The following ALK variants were observed in gnomAD, a reference collection of about 807,000 sequenced individuals.
ALK encodes the protein ALK tyrosine kinase receptor.
Under a neutral mutation model 163.1 loss-of-function variants are expected in ALK, and 74 were observed. The ratio of observed to expected loss-of-function variants is 0.45; its 90% CI spans 0.38 to 0.55. The LOEUF (loss-of-function observed/expected upper bound fraction) is 0.55, where lower values mean the gene tolerates loss of function less well. ALK is among the 20% of genes least tolerant of loss of function. The probability of loss-of-function intolerance (pLI) is 0.00; values close to 1 mark genes in which losing one functional copy is unlikely to be tolerated. For synonymous variants in ALK, 960 were observed against 843.2 expected, an observed-to-expected ratio of 1.14 and a Z score of -2.40; for missense variants, 2,063 against 2,105.3, an observed-to-expected ratio of 0.98 and a Z score of 0.39.
At chr2:29,198,617 A>T (rs1336654979) in intron 26 of ALK, among the ~76,000 whole-genome samples, 1 of 152,270 alleles carries the variant, frequency 6.6e-6, no homozygotes, top group Non-Finnish European at 1.5e-5. Context: ...TTTGGTTTCC[A>T]AATGTGTTAC....
chr2:29,551,827 TA>T (rs570115515), intron 3 of ALK, among the ~76,000 whole-genome samples: 10 of 151,330 alleles, frequency 6.6e-5, no homozygotes, highest in South Asian at 4.2e-4. Context: ...ACCTGCTACT[TA>T]AAAAAAAATA....
Position 29,780,369 on chromosome 2 carries a change from G to T in ALK, c.668-62672C>A, listed in dbSNP as rs7565977. Among the ~76,000 whole-genome samples the T allele has an allele frequency of 9.7e-3, 1,470 of 152,296 alleles. 25 individuals carry two copies. Among genetic ancestry groups the T allele is most frequent in the African/African-American group, 0.033 (1,389 of 41,552 alleles). On this transcript the variant is annotated intron_variant, in intron 1 of 28. Transcript: ENST00000389048. ...ATAAATTCACCCAAGTGAGCTCATT[G>T]CCAAGCCCTGAAGACCCTCACCCAC...
At chr2:29,820,764 A>C (rs927190891) in intron 1 of ALK, among the ~76,000 whole-genome samples, 8 of 152,186 alleles carry the variant, frequency 5.3e-5, no homozygotes, top group African/African-American at 1.9e-4. Context: ...TCCCTTAACT[A>C]ATCTTCCTCT....
chr2:29,214,354 G>C (rs1039026210), intron 23 of ALK, among the ~76,000 whole-genome samples: 1 of 152,114 alleles, frequency 6.6e-6, no homozygotes, highest in Non-Finnish European at 1.5e-5. Context: ...GCGAAGGCTC[G>C]GAACACCCAG....
chr2:29,549,030 AAGG>A (rs549681611), intron 3 of ALK, among the ~76,000 whole-genome samples: 1,971 of 62,920 alleles, frequency 0.031, 17 homozygotes, highest in African/African-American at 0.042. Flanking sequence ...AGAGGAGGAG[AAGG>A]AGGAGGAGGA....
rs76031110 is a variant in ALK, at chr2:29,789,320, G to T, written c.668-71623C>A. Among the ~76,000 whole-genome samples the T allele has an allele frequency of 5.1e-3, 772 of 152,274 alleles. 6 individuals carry two copies. The highest frequency in any genetic ancestry group is 0.018 in the African/African-American group (738 of 41,552). ...AATATCATCACACCTCCTTGTAAAA[G>T]GCAAGGTCTAGAAGAGTAATGACCA... On this transcript the variant is annotated intron_variant, in intron 1 of 28. Coordinates refer to ENST00000389048, the MANE Select transcript of ALK (RefSeq NM_004304.5).
intron 1 of ALK, among the ~76,000 whole-genome samples, chr2:29,815,160 A>G (rs1664864273): frequency 6.6e-6 from 1 of 151,398 alleles, no homozygotes; most frequent in African/African-American, 2.4e-5. Flanking sequence ...TCCCACTTCT[A>G]TCACTTAATA....
chr2:29,847,879 A>T (rs1447169946), intron 1 of ALK, among the ~76,000 whole-genome samples: 1 of 150,500 alleles, frequency 6.6e-6, no homozygotes, highest in African/African-American at 2.4e-5. Context: ...GAGGAAGGAG[A>T]GGAGGATGAG....
chr2:29,475,955 G>A (rs1381597344), intron 4 of ALK, among the ~76,000 whole-genome samples: 1 of 152,236 alleles, frequency 6.6e-6, no homozygotes, highest in African/African-American at 2.4e-5. Flanking sequence ...TGAAGTGAAA[G>A]TCTCTTGGTC....
intron 3 of ALK, among the ~76,000 whole-genome samples, chr2:29,608,445 T>A (rs1675599613): frequency 1.3e-5 from 2 of 152,332 alleles, no homozygotes; most frequent in South Asian, 4.1e-4. Context: ...TCATCATGAT[T>A]TCATAGCTGA....
intron 5 of ALK, among the ~76,000 whole-genome samples, chr2:29,336,575 A>G (rs1024954054): frequency 6.6e-6 from 1 of 152,170 alleles, no homozygotes; most frequent in Non-Finnish European, 1.5e-5. Flanking sequence ...TTCCTGTTCT[A>G]CACCACAGGT....
At chr2:29,655,946 T>G (rs894727496) in intron 3 of ALK, among the ~76,000 whole-genome samples, 2 of 152,162 alleles carry the variant, frequency 1.3e-5, no homozygotes, top group Non-Finnish European at 2.9e-5. Context: ...GCTGTGCTAC[T>G]AAATGCCTGT....
intron 2 of ALK, 149 bp from the exon 3 acceptor site, chr2:29,695,163 T>C: frequency 2.4e-6 from 2 of 821,014 alleles, no homozygotes; most frequent in South Asian, 1.5e-5. Flanking sequence ...CACAGGGCTC[T>C]GTATTGGTGA....
chr2:29,828,993 T>G (rs545352701), intron 1 of ALK, among the ~76,000 whole-genome samples: 117 of 151,768 alleles, frequency 7.7e-4, no homozygotes, highest in African/African-American at 2.7e-3. Context: ...CCATAAAAAA[T>G]GATGAGTTCA....
chr2:29,409,207 C>T (rs1310816378), intron 4 of ALK, among the ~76,000 whole-genome samples: 1 of 152,174 alleles, frequency 6.6e-6, no homozygotes, highest in East Asian at 1.9e-4. Flanking sequence ...TCCCACCTGT[C>T]CTCAATATAT....
chr2:29,336,759 C>T (rs759584801), intron 5 of ALK, among the ~76,000 whole-genome samples: 14 of 152,156 alleles, frequency 9.2e-5, no homozygotes, highest in South Asian at 2.1e-4. Context: ...CATTTTAGGG[C>T]GCTTAATTTT....
chr2:29,261,716 C>T (rs962671361), intron 11 of ALK, among the ~76,000 whole-genome samples: 2 of 152,130 alleles, frequency 1.3e-5, no homozygotes, highest in African/African-American at 2.4e-5. Context: ...GGCTATTTGA[C>T]TCTTCACTAA....
chr2:29,643,949 G>A (rs537615741), intron 3 of ALK, among the ~76,000 whole-genome samples: 20 of 152,186 alleles, frequency 1.3e-4, no homozygotes, highest in African/African-American at 3.9e-4. Context: ...ACATGCACAC[G>A]TATGTTTATT....
chr2:29,407,806 G>A lies in ALK; in HGVS notation c.1155-23947C>T, dbSNP rs1317102416. ...TATGGACCCCTAACATTTCACCGAT[G>A]TGTCATGTCATGATGGCCTAGCTGC... On this transcript the variant is annotated intron_variant, in intron 4 of 28. Coordinates refer to ENST00000389048, the MANE Select transcript of ALK (RefSeq NM_004304.5). Among the ~76,000 whole-genome samples, 3 of 152,320 alleles carry A rather than the reference G, an allele frequency of 2.0e-5. No individual in the cohort carries two copies. In the East Asian group the frequency reaches 5.8e-4, roughly 29 times the overall value.
Sources: gnomAD v4.1 joint callset for allele counts (sites outside exome capture counted in the v4.1 genomes callset) on GRCh38, gnomAD v4.1.1 for gene constraint, MANE v1.5 for transcripts, NCBI Gene and HGNC (gene_info 2026-07-23, HGNC 2026-07-21) for gene names.